The following SLC25A40 variants were observed in gnomAD, a reference collection of about 807,000 sequenced individuals.
The protein encoded by SLC25A40 is mitochondrial glutathione transporter SLC25A40.
SLC25A40 carries 41 observed loss-of-function variants against 46.5 expected under a neutral mutation model. The ratio of observed to expected loss-of-function variants is 0.88; its 90% confidence interval spans 0.69 to 1.14. The LOEUF is 1.14. SLC25A40 is among the 50% of genes most tolerant of loss of function. The pLI is 0.00. For synonymous variants in SLC25A40, 126 were observed against 127.5 expected (o/e 0.99, Z 0.08); for missense variants, 386 against 393.6 (o/e 0.98, Z 0.16).
At chr7:87,874,274 A>G (rs1838940557) in intron 1 of SLC25A40, among the ~76,000 whole-genome samples, 1 of 152,208 alleles carries the variant, frequency 6.6e-6, no homozygotes, top group African/African-American at 2.4e-5. Context: ...TTCACGGCAA[A>G]TAAGACACAC....
intron 1 of SLC25A40, among the ~76,000 whole-genome samples, chr7:87,865,570 A>G (rs770040245): frequency 8.5e-5 from 13 of 152,210 alleles, no homozygotes; most frequent in Admixed American, 2.6e-4. Context: ...CACAAGTTTG[A>G]GACCTGCCTG....
At chr7:87,865,606 G>A (rs1350438433) in intron 1 of SLC25A40, among the ~76,000 whole-genome samples, 3 of 152,032 alleles carry the variant, frequency 2.0e-5, no homozygotes, top group East Asian at 3.9e-4. Context: ...CCCCAACTCC[G>A]TTAATAAAAA....
chr7:87,849,337 T>C (rs962723589), intron 6 of SLC25A40, among the ~76,000 whole-genome samples: 4 of 152,212 alleles, frequency 2.6e-5, no homozygotes, highest in Non-Finnish European at 5.9e-5. Flanking sequence ...GTTTTTTGTA[T>C]GTCTGAAGCA....
intron 1 of SLC25A40, among the ~76,000 whole-genome samples, chr7:87,875,229 C>G (rs1438784545): frequency 6.6e-6 from 1 of 152,198 alleles, no homozygotes; most frequent in Non-Finnish European, 1.5e-5. Flanking sequence ...CTAGACATTT[C>G]TCTCGAGTCA....
intron 10 of SLC25A40, among the ~76,000 whole-genome samples, chr7:87,841,135 G>A (rs1357322261): frequency 7.3e-6 from 1 of 137,008 alleles, no homozygotes; most frequent in Non-Finnish European, 1.6e-5. Context: ...AAAACAAAAT[G>A]TGTGTGTGTG....
At chr7:87,868,157 G>A (rs975380960) in intron 1 of SLC25A40, among the ~76,000 whole-genome samples, 1 of 152,188 alleles carries the variant, frequency 6.6e-6, no homozygotes, top group South Asian at 2.1e-4. Flanking sequence ...AAGGGAACCC[G>A]AGATGATAGG....
chr7:87,872,149 TTAATCTTCTTACA>T (rs1562751878), intron 1 of SLC25A40, among the ~76,000 whole-genome samples: 2 of 152,342 alleles, frequency 1.3e-5, no homozygotes, highest in East Asian at 3.9e-4. Context: ...AACCTCTTAC[TTAATCTTCTTACA>T]TAATCTTCTT....
At chr7:87,856,182 A>G (rs1838610690) in intron 4 of SLC25A40, 110 bp downstream of exon 4, 3 of 972,242 alleles carry the variant, frequency 3.1e-6, no homozygotes, top group Admixed American at 2.3e-5. Flanking sequence ...TCATGAGGAT[A>G]AAGAGGCATC....
chr7:87,854,182 C>G, intron 5 of SLC25A40, 22 bp downstream of exon 5: 1 of 1,405,288 alleles, frequency 7.1e-7, no homozygotes, highest in Non-Finnish European at 1.0e-6. Flanking sequence ...TACTGTGATT[C>G]TAAGGAATAT....
At chr7:87,865,170 TC>T (rs1443520664) in intron 1 of SLC25A40, among the ~76,000 whole-genome samples, 9 of 152,218 alleles carry the variant, frequency 5.9e-5, no homozygotes, top group Non-Finnish European at 8.8e-5. Context: ...TTTTAGTGTA[TC>T]TACAATAAGT....
chr7:87,871,976 T>C (rs929369363), intron 1 of SLC25A40, among the ~76,000 whole-genome samples: 1 of 152,232 alleles, frequency 6.6e-6, no homozygotes, highest in African/African-American at 2.4e-5. Flanking sequence ...TAATATTACT[T>C]TGTTGTCATT....
rs766968151 is a variant in SLC25A40, at chr7:87,847,019, T to C, written c.561A>G (p.Val187=). 2 of 1,613,826 alleles carry C rather than the reference T, an allele frequency of 1.2e-6. No homozygotes were observed. Among genetic ancestry groups the C allele is most frequent in the Non-Finnish European group, 1.7e-6 (2 of 1,179,826 alleles). ...VELHRFVSKK[V]SEDGWISLWR... ...AAAGGGAAATCCAACCATCTTCAGA[T>C]ACTTTCTTGCTGACAAATCGATGCA... Residue 187 remains valine, a synonymous_variant, in exon 8 of 12, where the codon GTA becomes GTG. Transcript: ENST00000341119.
intron 10 of SLC25A40, among the ~76,000 whole-genome samples, chr7:87,840,561 C>T (rs1331586893): frequency 1.3e-5 from 2 of 151,760 alleles, no homozygotes; most frequent in South Asian, 2.1e-4. Flanking sequence ...TGAAATCCTA[C>T]TATGTTAAAT....
At position 87,854,269 on chromosome 7, in the gene SLC25A40, A is replaced by G. The variant is rs1453881666; in HGVS notation, c.199T>C (p.Cys67Arg). The change falls in exon 5 of 12, where the codon TGT becomes CGT. Residue 67 changes from cysteine (C) to arginine (R), a missense_variant. By Grantham distance (180) the Cys-to-Arg change is radical (BLOSUM62 -3). Transcript: ENST00000341119. ...TTGTTGCCTCCCTCTTCACAGACAC[A>G]TAGATGATCCATGAGTCCATTACTA... is the stretch of plus-strand genomic sequence containing the variant. ...VYSNGLMDHL[C>R]VCEEGGNKLW... 3 of 1,613,384 alleles carry G rather than the reference A, an allele frequency of 1.9e-6. No individual in the cohort carries two copies. The highest frequency in any genetic ancestry group is 1.1e-5 in the South Asian group (1 of 91,058).
At chr7:87,869,519 A>G (rs1838861652) in intron 1 of SLC25A40, among the ~76,000 whole-genome samples, 1 of 151,674 alleles carries the variant, frequency 6.6e-6, no homozygotes, top group Non-Finnish European at 1.5e-5. Flanking sequence ...TCAAAGTGAC[A>G]AAGTGAGACC....
At position 87,834,218 on chromosome 7, in the gene SLC25A40, A is replaced by G. The variant is rs1838229700; in HGVS notation, c.*2031T>C. On this transcript the variant is annotated 3_prime_UTR_variant, in exon 12 of 12. Transcript: ENST00000341119. ...TTATATACTGAAGTAAAACCTGGGAATATTCATCATGCCAATTATAGTTCA... is the reference window on the plus strand; with the variant it reads ...TTATATACTGAAGTAAAACCTGGGAGTATTCATCATGCCAATTATAGTTCA... 1 of 151,846 alleles carries G rather than the reference A, an allele frequency of 6.6e-6. No individual in the cohort carries two copies. Among genetic ancestry groups the G allele is most frequent in the Non-Finnish European group, 1.5e-5 (1 of 67,840 alleles). 9.4% of individuals were successfully genotyped at this position (151,846 alleles called of 1,614,324 possible).
rs1057329631 is a variant in SLC25A40 at position 87,833,955 on chromosome 7, A to G, written c.*2294T>C. 4 of 151,934 alleles carry G rather than the reference A, an allele frequency of 2.6e-5. No individual in the cohort carries two copies. Among genetic ancestry groups the G allele is most frequent in the African/African-American group, 9.7e-5 (4 of 41,428 alleles). The allele number at this position is 151,934 out of a possible 1,614,324, so 9.4% of individuals were successfully genotyped here. On this transcript the variant is annotated 3_prime_UTR_variant, in exon 12 of 12. Coordinates refer to ENST00000341119, the MANE Select transcript of SLC25A40 (RefSeq NM_018843.4). ...AATATTGCCTTTTAAAAAAAATCAA[A>G]TATGTACTACTTTAAAGGTTGCAAC...
At position 87,846,957 on chromosome 7, in the gene SLC25A40, G is replaced by C; in HGVS notation, c.623C>G (p.Pro208Arg). ...GWAPTVLRDVPFSAMYWYNYE... is the reference protein window; with the variant it reads ...GWAPTVLRDVRFSAMYWYNYE... The stretch of plus-strand genomic sequence containing the variant: ...AATAAGATAAATCCTACCTGAGAAA[G>C]GTACATCTCTAAGAACAGTAGGAGC... Residue 208 changes from proline to arginine, a missense_variant, in exon 8 of 12, where the codon CCT (proline) becomes CGT (arginine). Transcript: ENST00000341119. 6.2e-7 allele frequency: 1 copy of C among 1,601,958 alleles called. No homozygotes were observed. The highest frequency in any genetic ancestry group is 1.1e-5 in the South Asian group (1 of 89,774).
intron 3 of SLC25A40, among the ~76,000 whole-genome samples, chr7:87,857,922 T>C (rs758091307): frequency 1.3e-5 from 2 of 152,212 alleles, no homozygotes; most frequent in Admixed American, 6.5e-5. Context: ...GTAGGGAAGA[T>C]ATTGCTAAAT....
Sources: allele counts gnomAD v4.1 joint callset (sites outside exome capture counted in the v4.1 genomes callset), GRCh38; gene constraint gnomAD v4.1.1; transcripts MANE v1.5; gene names NCBI Gene and HGNC (gene_info 2026-07-23, HGNC 2026-07-21).